Variants in PIEZO2 observed in about 807,000 individuals in gnomAD.
The protein encoded by PIEZO2 is piezo-type mechanosensitive ion channel component 2.
Under a neutral mutation model 337.3 loss-of-function variants are expected in PIEZO2, and 172 were observed. That is an observed-to-expected ratio of 0.51 (90% CI 0.45 to 0.58). The LOEUF (loss-of-function observed/expected upper bound fraction) is 0.58, where lower values mean the gene tolerates loss of function less well. Ranked by LOEUF, PIEZO2 falls within the 20% of genes least tolerant of loss-of-function variation. PIEZO2 has a pLI of 0.00. For missense variants in PIEZO2, 3,028 were observed against 3,391.3 expected (o/e 0.89, Z 2.66); for synonymous variants, 1,251 against 1,228.5 (o/e 1.02, Z -0.38).
chr18:10,838,023 T>C (rs1201776233), intron 7 of PIEZO2, among the ~76,000 whole-genome samples: 4 of 152,062 alleles, frequency 2.6e-5, no homozygotes, highest in Non-Finnish European at 5.9e-5. Flanking sequence ...AAGTTCTGTG[T>C]TTACAGGCAT....
At chr18:10,787,009 C>G in intron 16 of PIEZO2, 27 bp downstream of exon 16, 1 of 1,515,376 alleles carries the variant, frequency 6.6e-7, no homozygotes, top group Non-Finnish European at 8.8e-7. Context: ...TCATCTTGTT[C>G]ATCATTTTCA....
chr18:11,103,802 T>TGTGTGTGC (rs1555714107), intron 1 of PIEZO2, among the ~76,000 whole-genome samples: 83 of 151,542 alleles, frequency 5.5e-4, no homozygotes, highest in Middle Eastern at 3.4e-3. Flanking sequence ...TGTGTGTGTG[T>TGTGTGTGC]GTGTGTGCGT....
At chr18:10,924,704 A>G (rs1035521777) in intron 3 of PIEZO2, among the ~76,000 whole-genome samples, 10 of 152,228 alleles carry the variant, frequency 6.6e-5, no homozygotes, top group African/African-American at 2.2e-4. Context: ...CTTATTTGCC[A>G]TGATTTATAT....
At position 10,773,132 on chromosome 18, in the gene PIEZO2, G is replaced by A. The variant is rs990060690; in HGVS notation, c.2785+280C>T. Among the ~76,000 whole-genome samples the A allele has an allele frequency of 6.6e-5, 10 of 152,322 alleles. No individual in the cohort carries two copies. The highest frequency in any genetic ancestry group is 5.8e-4 in the East Asian group (3 of 5,184). Reference sequence around the variant, plus strand: ...AAACAGAGAGGCTCTGACTGAGGACGTGGTCAACACCATGCCCCACCAGTG... The same window carrying A: ...AAACAGAGAGGCTCTGACTGAGGACATGGTCAACACCATGCCCCACCAGTG... On this transcript the variant is annotated intron_variant, in intron 20 of 55. Transcript: ENST00000674853. This position sits in a 1 kb window ranked among gnomAD's most constrained non-coding sequence, Gnocchi z 5.3.
intron 3 of PIEZO2, among the ~76,000 whole-genome samples, chr18:10,972,856 T>G (rs1320544285): frequency 6.6e-6 from 1 of 152,192 alleles, no homozygotes; most frequent in Admixed American, 6.5e-5. Context: ...TTGTACTATT[T>G]GACCACTTAC....
intron 15 of PIEZO2, among the ~76,000 whole-genome samples, chr18:10,787,421 T>C (rs888441499): frequency 1.2e-4 from 19 of 152,274 alleles, no homozygotes; most frequent in East Asian, 5.8e-4. Context: ...GAACCTTCCA[T>C]AAGTGCCTAT....
intron 47 of PIEZO2, among the ~76,000 whole-genome samples, chr18:10,694,188 AT>A (rs1330224981): frequency 6.6e-6 from 1 of 151,612 alleles, no homozygotes; most frequent in Non-Finnish European, 1.5e-5. Context: ...ATTAGAATTT[AT>A]TTTTAATAAT....
Position 10,767,670 on chromosome 18 carries a change from A to G in PIEZO2, c.2946+2478T>C, listed in dbSNP as rs894015929. Among the ~76,000 whole-genome samples the G allele has an allele frequency of 9.9e-5, 15 of 152,178 alleles. No homozygotes were observed. Among genetic ancestry groups the G allele is most frequent in the Non-Finnish European group, 1.8e-4 (12 of 68,008 alleles). Reference sequence around the variant, plus strand: ...GTGCAGAGTCTCTTTGCTGGGCTCCATGTGTACAAGCAGAGCAGGGCCTGT... The same window carrying G: ...GTGCAGAGTCTCTTTGCTGGGCTCCGTGTGTACAAGCAGAGCAGGGCCTGT... On this transcript the variant is annotated intron_variant, in intron 21 of 55. Transcript: ENST00000674853. The surrounding 1 kb of genome is among the most constrained non-coding windows in gnomAD (Gnocchi z 4.2).
chr18:10,964,120 A>G (rs2033901894), intron 3 of PIEZO2, among the ~76,000 whole-genome samples: 1 of 152,220 alleles, frequency 6.6e-6, no homozygotes, highest in Non-Finnish European at 1.5e-5. Flanking sequence ...TTTGGGGAAA[A>G]AAATCCACTT....
intron 2 of PIEZO2, among the ~76,000 whole-genome samples, chr18:11,023,930 G>A (rs1033236286): frequency 1.4e-4 from 21 of 152,210 alleles, no homozygotes; most frequent in Non-Finnish European, 2.8e-4. Flanking sequence ...AGGACTGGCC[G>A]GCCGTTCTGA....
chr18:10,714,933 G>T lies in PIEZO2; in HGVS notation c.5257-3C>A. The T allele has an allele frequency of 6.5e-7, 1 of 1,536,868 alleles. No individual in the cohort carries two copies. The highest frequency in any genetic ancestry group is 1.2e-5 in the South Asian group (1 of 83,972). ...CTCTCCCGAGTTGGAACATTGCCCT[G>T]AGGAGAATGAGACATTGCCACAGTT... On this transcript the variant is annotated splice_polypyrimidine_tract_variant and splice_region_variant and intron_variant, in intron 38 of 55. Transcript: ENST00000674853.
At chr18:10,712,325 G>A (rs2035853110) in intron 39 of PIEZO2, among the ~76,000 whole-genome samples, 1 of 152,088 alleles carries the variant, frequency 6.6e-6, no homozygotes, top group South Asian at 2.1e-4. Context: ...TAAGAGCTTA[G>A]GTAACATGGA....
Position 10,830,505 on chromosome 18 carries a change from T to G in PIEZO2, c.918-23231A>C, listed in dbSNP as rs2040814546. 1.3e-5 allele frequency among the ~76,000 whole-genome samples: 2 copies of G among 151,534 alleles called. No individual in the cohort carries two copies. The highest frequency in any genetic ancestry group is 1.5e-5 in the Non-Finnish European group (1 of 67,988). ...ACTTGAATAAAACTAGACCTCTATT[T>G]CTCTCCATTTACAAACATCAAATCA... On this transcript the variant is annotated intron_variant, in intron 7 of 55. Transcript: ENST00000674853. This position sits in a 1 kb window ranked among gnomAD's most constrained non-coding sequence, Gnocchi z 4.7.
At position 10,988,528 on chromosome 18, in the gene PIEZO2, T is replaced by C. The variant is rs932009081; in HGVS notation, c.161-8868A>G. ...GGTAGCTCCATTATGAAAAATAGTATGGAGATTCTTAAAAATTAAAAATAG... is the reference window on the plus strand; with the variant it reads ...GGTAGCTCCATTATGAAAAATAGTACGGAGATTCTTAAAAATTAAAAATAG... On this transcript the variant is annotated intron_variant, in intron 2 of 55. Transcript: ENST00000674853. The surrounding 1 kb of genome is among the most constrained non-coding windows in gnomAD (Gnocchi z 4.8). Among the ~76,000 whole-genome samples the C allele has an allele frequency of 6.6e-6, 1 of 152,170 alleles. No homozygotes were observed. Among genetic ancestry groups the C allele is most frequent in the African/African-American group, 2.4e-5 (1 of 41,446 alleles).
rs1051683767 is a variant in PIEZO2 at position 10,682,369 on chromosome 18, G to A, written c.7498-77C>T. The stretch of plus-strand genomic sequence containing the variant: ...GCAGGCAGCGGGATTGGGGGAGAGC[G>A]AGTGCTCTTCCTGTGGTGCTGGGAA... On this transcript the variant is annotated intron_variant, in intron 49 of 55. Transcript: ENST00000674853. The surrounding 1 kb of genome is among the most constrained non-coding windows in gnomAD (Gnocchi z 5.6). 11 of 1,264,130 alleles carry A rather than the reference G, an allele frequency of 8.7e-6. No homozygotes were observed. The highest frequency in any genetic ancestry group is 2.4e-4 in the Middle Eastern group (1 of 4,170). 78.3% of individuals were successfully genotyped at this position (1,264,130 alleles called of 1,614,324 possible). A position where few individuals can be genotyped will look rare whatever the true frequency, so the allele number is the denominator to read the frequency against.
intron 1 of PIEZO2, among the ~76,000 whole-genome samples, chr18:11,113,872 A>G (rs1406699905): frequency 6.6e-6 from 1 of 152,238 alleles, no homozygotes; most frequent in Non-Finnish European, 1.5e-5. Context: ...TCTCAACCAC[A>G]TAATCCTTTC....
At chr18:10,901,039 A>G (rs1007922607) in intron 4 of PIEZO2, among the ~76,000 whole-genome samples, 3 of 152,236 alleles carry the variant, frequency 2.0e-5, no homozygotes, top group Non-Finnish European at 4.4e-5. Context: ...AACACATTTC[A>G]TTAGTGCCAG....
At chr18:10,858,189 C>T (rs985082369) in intron 5 of PIEZO2, among the ~76,000 whole-genome samples, 2 of 151,016 alleles carry the variant, frequency 1.3e-5, no homozygotes, top group African/African-American at 4.9e-5. Context: ...AGTGTGGTGG[C>T]ACGTGCCTGT....
At chr18:10,796,399 G>T (rs1327093196) in intron 12 of PIEZO2, among the ~76,000 whole-genome samples, 2 of 150,968 alleles carry the variant, frequency 1.3e-5, no homozygotes, top group South Asian at 4.2e-4. Flanking sequence ...TTGCAGCTAA[G>T]AAGGAATTAC....
Sources: allele counts gnomAD v4.1 joint callset (sites outside exome capture counted in the v4.1 genomes callset), GRCh38; gene constraint gnomAD v4.1.1; non-coding constraint Gnocchi (gnomAD v3.1); transcripts MANE v1.5; gene names NCBI Gene and HGNC (gene_info 2026-07-23, HGNC 2026-07-21).